Variants in TSC22D1 observed in about 807,000 individuals in gnomAD.
The protein encoded by TSC22D1 is TSC22 domain family member 1.
In TSC22D1, 9 loss-of-function variants were observed where a neutral mutation model predicts 74.2. The observed-to-expected ratio is 0.12, with a 90% confidence interval of 0.07 to 0.21. TSC22D1 has a LOEUF of 0.21. TSC22D1 is among the 10% of genes least tolerant of loss of function. The probability of loss-of-function intolerance (pLI) is 1.00; values close to 1 mark genes in which losing one functional copy is unlikely to be tolerated. For missense variants in TSC22D1, 1,427 were observed against 1,304.7 expected, an observed-to-expected ratio of 1.09 and a Z score of -1.44; for synonymous variants, 586 against 492.5, an observed-to-expected ratio of 1.19 and a Z score of -2.51.
chr13:44,561,903 T>G (rs757498255), intron 1 of TSC22D1, among the ~76,000 whole-genome samples: 1 of 152,170 alleles, frequency 6.6e-6, no homozygotes, highest in Non-Finnish European at 1.5e-5. Flanking sequence ...ACACGTTTAT[T>G]CTTGAATTCA....
rs369588745 is a variant in TSC22D1, at chr13:44,562,111, C to T, written c.2912+11052G>A. On this transcript the variant is annotated intron_variant, in intron 1 of 2. Transcript: ENST00000458659. The stretch of plus-strand genomic sequence containing the variant: ...CTGGAGTGCAGTGGCGCCATCTCAC[C>T]TCACTGCAACCTCCACCTCCCAGGC... Among the ~76,000 whole-genome samples, 8 of 152,286 alleles carry T rather than the reference C, an allele frequency of 5.3e-5. No homozygotes were observed. In the South Asian group the frequency reaches 8.3e-4, roughly 16 times the overall value.
rs541914465 is a variant in TSC22D1 at position 44,474,876 on chromosome 13, G to A, written c.2913-38781C>T. Among the ~76,000 whole-genome samples the A allele has an allele frequency of 3.3e-5, 5 of 152,206 alleles. No individual in the cohort carries two copies. The East Asian group carries it at 9.7e-4, about 29-fold the overall frequency. ...TCAGAAATGTAGAAACGAGATATCT[G>A]ACAACTTTTTCATTCCCAGTACAAT... On this transcript the variant is annotated intron_variant, in intron 1 of 2. Coordinates refer to ENST00000458659, the MANE Select transcript of TSC22D1 (RefSeq NM_183422.4).
intron 1 of TSC22D1, among the ~76,000 whole-genome samples, chr13:44,486,559 T>C (rs1878435507): frequency 1.3e-5 from 2 of 152,278 alleles, no homozygotes; most frequent in African/African-American, 2.4e-5. Flanking sequence ...CAGATAAAAT[T>C]AGTTAAGATA....
chr13:44,552,548 G>T (rs555370118), intron 1 of TSC22D1, among the ~76,000 whole-genome samples: 1 of 152,218 alleles, frequency 6.6e-6, no homozygotes, highest in South Asian at 2.1e-4. Flanking sequence ...ACAAAGACAG[G>T]GCCAATTAAA....
chr13:44,460,272 G>C (rs969784136), intron 1 of TSC22D1, among the ~76,000 whole-genome samples: 1 of 152,194 alleles, frequency 6.6e-6, no homozygotes, highest in South Asian at 2.1e-4. Context: ...CCTTAAAGTA[G>C]AGAGTTGCTT....
chr13:44,573,839 A>T lies in TSC22D1; in HGVS notation c.2236T>A (p.Ser746Thr), dbSNP rs1883967471. 7 of 1,614,106 alleles carry T rather than the reference A, an allele frequency of 4.3e-6. No homozygotes were observed. The highest frequency in any genetic ancestry group is 5.9e-6 in the Non-Finnish European group (7 of 1,180,032). Residue 746 changes from serine (S) to threonine (T), a missense_variant, in exon 1 of 3, where the codon TCT becomes ACT. Coordinates refer to ENST00000458659, the MANE Select transcript of TSC22D1 (RefSeq NM_183422.4). ...ANIPTAVQQP[S>T]TQVPPSVIQQ... Reference sequence around the variant, plus strand: ...ATAACTGAAGGTGGAACCTGGGTAGAGGGCTGCTGCACTGCAGTAGGTATG... The same window carrying T: ...ATAACTGAAGGTGGAACCTGGGTAGTGGGCTGCTGCACTGCAGTAGGTATG...
intron 1 of TSC22D1, among the ~76,000 whole-genome samples, chr13:44,559,457 G>A (rs887159653): frequency 1.3e-5 from 2 of 152,036 alleles, no homozygotes; most frequent in Non-Finnish European, 2.9e-5. Flanking sequence ...TCCTCAACAG[G>A]AAGATGTACT....
intron 1 of TSC22D1, among the ~76,000 whole-genome samples, chr13:44,478,408 C>T (rs1261275912): frequency 6.6e-6 from 1 of 152,106 alleles, no homozygotes; most frequent in Non-Finnish European, 1.5e-5. Context: ...AACTGAGACA[C>T]AGAAAGACTA....
chr13:44,519,166 A>G (rs1293896886), intron 1 of TSC22D1, among the ~76,000 whole-genome samples: 1 of 152,208 alleles, frequency 6.6e-6, no homozygotes, highest in Non-Finnish European at 1.5e-5. Flanking sequence ...TGATTTCAAC[A>G]ATATCATTGT....
rs555832243 is a variant in TSC22D1, at chr13:44,436,983, C to G, written c.2913-888G>C. 354 of 1,002,650 alleles carry G rather than the reference C, an allele frequency of 3.5e-4. 2 individuals carry two copies. In the African/African-American group the frequency reaches 5.6e-3, roughly 16 times the overall value. 62.1% of individuals were successfully genotyped at this position (1,002,650 alleles called of 1,614,324 possible). On this transcript the variant is annotated intron_variant, in intron 1 of 2. Coordinates refer to ENST00000458659, the MANE Select transcript of TSC22D1 (RefSeq NM_183422.4). ...CGCTTCCCTGCTTCCCCGCCTCCCC[C>G]CACCCCCACCTCCGCCCCCATTCTC...
rs781356730 is a variant in TSC22D1, at chr13:44,575,036, C to G, written c.1039G>C (p.Ala347Pro). 1.9e-5 allele frequency: 30 copies of G among 1,614,036 alleles called. No homozygotes were observed. In the South Asian group the frequency reaches 3.2e-4, roughly 17 times the overall value. ...NISTSNIPSA[A>P]GVSVGPGVTS... ...ACTCCAGGCCCAACACTCACACCAG[C>G]AGCACTAGGAATATTGCTTGTACTT... Residue 347 changes from alanine (A) to proline (P), a missense_variant, in exon 1 of 3, where the codon GCT (alanine) becomes CCT (proline). Physicochemically the swap from Ala to Pro is conservative, Grantham distance 27. Around this residue, in one of 3 missense-constraint regions of TSC22D1, gnomAD observed 1,343 missense variants for 1,191.5 expected, o/e 1.13. Coordinates refer to ENST00000458659, the MANE Select transcript of TSC22D1 (RefSeq NM_183422.4).
At chr13:44,528,084 C>T (rs1880638003) in intron 1 of TSC22D1, among the ~76,000 whole-genome samples, 1 of 152,008 alleles carries the variant, frequency 6.6e-6, no homozygotes, top group Admixed American at 6.6e-5. Context: ...CTAGTCAAAT[C>T]CACTATCATA....
intron 1 of TSC22D1, chr13:44,537,679 T>C (rs1881234329): frequency 1.0e-6 from 1 of 984,702 alleles, no homozygotes; most frequent in Admixed American, 6.2e-5. Flanking sequence ...AAAGCTGTAA[T>C]CACTTATGGG....
intron 1 of TSC22D1, among the ~76,000 whole-genome samples, chr13:44,457,173 C>A (rs1043265804): frequency 1.3e-5 from 2 of 152,248 alleles, no homozygotes; most frequent in African/African-American, 4.8e-5. Flanking sequence ...CAGGAAACTG[C>A]ACCCAGCTGA....
intron 1 of TSC22D1, among the ~76,000 whole-genome samples, chr13:44,521,219 C>T (rs1880299542): frequency 6.6e-6 from 1 of 152,136 alleles, no homozygotes; most frequent in African/African-American, 2.4e-5. Context: ...ACGCTAACCC[C>T]CCACTATCAA....
At chr13:44,480,525 G>C (rs1566132784) in intron 1 of TSC22D1, among the ~76,000 whole-genome samples, 1 of 152,222 alleles carries the variant, frequency 6.6e-6, no homozygotes, top group African/African-American at 2.4e-5. Flanking sequence ...CCCAGGACCA[G>C]CTGTTGAGAA....
chr13:44,559,848 T>A (rs1882921841), intron 1 of TSC22D1, among the ~76,000 whole-genome samples: 1 of 152,038 alleles, frequency 6.6e-6, no homozygotes, highest in African/African-American at 2.4e-5. Context: ...TGTGCCACCA[T>A]GACTGCCTCA....
chr13:44,543,589 G>C (rs1430597835), intron 1 of TSC22D1, among the ~76,000 whole-genome samples: 1 of 152,158 alleles, frequency 6.6e-6, no homozygotes, highest in Non-Finnish European at 1.5e-5. Flanking sequence ...AAGAAGAAAA[G>C]GAAAGAACAT....
intron 1 of TSC22D1, among the ~76,000 whole-genome samples, chr13:44,447,704 A>G (rs1875795458): frequency 6.6e-6 from 1 of 151,986 alleles, no homozygotes; most frequent in South Asian, 2.1e-4. Context: ...CTAAACATTT[A>G]TAATTACTTT....
Sources: gnomAD v4.1 joint callset for allele counts (sites outside exome capture counted in the v4.1 genomes callset) on GRCh38, gnomAD v4.1.1 for gene constraint, gnomAD v4.1.1 regional missense constraint, MANE v1.5 for transcripts, NCBI Gene and HGNC (gene_info 2026-07-23, HGNC 2026-07-21) for gene names.